Variants in CDH12 observed in about 807,000 individuals in gnomAD.
CDH12 encodes cadherin-12.
CDH12 carries 41 observed loss-of-function variants against 74.1 expected under a neutral mutation model. That is an observed-to-expected ratio of 0.55 (90% CI 0.43 to 0.72). The LOEUF (loss-of-function observed/expected upper bound fraction) is 0.72, where lower values mean the gene tolerates loss of function less well. CDH12 is among the 30% of genes least tolerant of loss of function. The pLI, the probability that CDH12 is intolerant of heterozygous loss-of-function variation, is 0.00. For synonymous variants in CDH12, 399 were observed against 355.0 expected (o/e 1.12, Z -1.39); for missense variants, 945 against 977.2 (o/e 0.97, Z 0.44).
At chr5:22,011,885 A>G (rs959560498) in intron 5 of CDH12, among the ~76,000 whole-genome samples, 5 of 152,102 alleles carry the variant, frequency 3.3e-5, no homozygotes, top group African/African-American at 1.2e-4. Flanking sequence ...ACATTTATTT[A>G]CCAAATGAAG....
chr5:22,156,913 T>C (rs1748053093), intron 4 of CDH12, among the ~76,000 whole-genome samples: 1 of 152,184 alleles, frequency 6.6e-6, no homozygotes, highest in Non-Finnish European at 1.5e-5. Context: ...CCCTACTGAA[T>C]GTTTCCCTCT....
At chr5:22,117,117 T>C (rs1745164001) in intron 4 of CDH12, among the ~76,000 whole-genome samples, 1 of 151,668 alleles carries the variant, frequency 6.6e-6, no homozygotes, top group African/African-American at 2.4e-5. Flanking sequence ...TAGGTAGCTT[T>C]TCTGGGTCAC....
At chr5:22,059,738 C>A (rs1741054105) in intron 5 of CDH12, among the ~76,000 whole-genome samples, 1 of 151,990 alleles carries the variant, frequency 6.6e-6, no homozygotes, top group African/African-American at 2.4e-5. Context: ...TTTCAAAATT[C>A]AATAGCCCTG....
At chr5:21,996,706 TAAAA>T (rs1431161678) in intron 5 of CDH12, among the ~76,000 whole-genome samples, 1 of 152,164 alleles carries the variant, frequency 6.6e-6, no homozygotes, top group Non-Finnish European at 1.5e-5. Flanking sequence ...TTAAAACAGT[TAAAA>T]ATAAAACAAG....
At chr5:22,753,841 T>G (rs997531943) in intron 1 of CDH12, among the ~76,000 whole-genome samples, 6 of 152,164 alleles carry the variant, frequency 3.9e-5, no homozygotes, top group Middle Eastern at 3.4e-3. Context: ...TCTTAAAAAT[T>G]TTCCATAACA....
At chr5:22,522,512 T>C (rs1228084140) in intron 1 of CDH12, among the ~76,000 whole-genome samples, 2 of 152,126 alleles carry the variant, frequency 1.3e-5, no homozygotes, top group East Asian at 3.9e-4. Flanking sequence ...TTCTCTGTAT[T>C]TCATTGTTGT....
chr5:22,270,702 G>A (rs1311850349), intron 3 of CDH12, among the ~76,000 whole-genome samples: 3 of 151,010 alleles, frequency 2.0e-5, no homozygotes, highest in Non-Finnish European at 3.0e-5. Flanking sequence ...ACAGAGTTTT[G>A]CTCTTGTTGA....
At chr5:21,902,141 A>G (rs10941930) in intron 6 of CDH12, among the ~76,000 whole-genome samples, 146,965 of 152,030 alleles carry the variant, frequency 0.97, 71,204 homozygotes, top group Non-Finnish European at 1. Flanking sequence ...TGTAGGATCT[A>G]TCTTAGAGAT....
intron 2 of CDH12, among the ~76,000 whole-genome samples, chr5:22,491,301 T>C (rs1362967656): frequency 6.6e-6 from 1 of 152,196 alleles, no homozygotes; most frequent in African/African-American, 2.4e-5. Context: ...TCCAGTTGTA[T>C]TCATGTTGCT....
chr5:22,411,070 G>T (rs1226665336), intron 2 of CDH12, among the ~76,000 whole-genome samples: 1 of 151,922 alleles, frequency 6.6e-6, no homozygotes, highest in Admixed American at 6.6e-5. Context: ...ACCTCTGATT[G>T]TAAAGTATGT....
rs111344853 is a variant in CDH12, at chr5:22,376,356, T to A, written c.-333+28901A>T. Among the ~76,000 whole-genome samples the A allele has an allele frequency of 3.8e-3, 577 of 151,100 alleles. 6 individuals carry two copies. Among genetic ancestry groups the A allele is most frequent in the African/African-American group, 0.013 (536 of 40,818 alleles). On this transcript the variant is annotated intron_variant, in intron 3 of 14. Coordinates refer to ENST00000382254, the MANE Select transcript of CDH12 (RefSeq NM_004061.5). ...TGATTATTGGGTGCAAACATACACT[T>A]AAATACAAAAAAAAAGCCCAATATT...
At chr5:22,711,606 G>C (rs908799798) in intron 1 of CDH12, among the ~76,000 whole-genome samples, 1 of 152,046 alleles carries the variant, frequency 6.6e-6, no homozygotes, top group African/African-American at 2.4e-5. Flanking sequence ...ACTATGTTTA[G>C]AGTTAAGAAT....
intron 3 of CDH12, among the ~76,000 whole-genome samples, chr5:22,329,886 G>A (rs1264922902): frequency 1.3e-5 from 2 of 152,210 alleles, no homozygotes; most frequent in Non-Finnish European, 2.9e-5. Flanking sequence ...GTGGACTGAA[G>A]TGTTCTGGGC....
chr5:21,888,060 A>G (rs149658972), intron 6 of CDH12, among the ~76,000 whole-genome samples: 1,527 of 152,218 alleles, frequency 0.01, 25 homozygotes, highest in African/African-American at 0.035. Context: ...AGTCACACTA[A>G]GGAGGGTCTG....
intron 2 of CDH12, 30 bp downstream of exon 2, chr5:22,505,240 A>G: frequency 5.4e-6 from 4 of 738,482 alleles, no homozygotes; most frequent in Non-Finnish European, 6.6e-6. Context: ...AGGTAAAAGC[A>G]TATATCTTGA....
At chr5:22,814,509 C>T (rs540746699) in intron 1 of CDH12, among the ~76,000 whole-genome samples, 11 of 152,104 alleles carry the variant, frequency 7.2e-5, no homozygotes, top group South Asian at 4.2e-4. Context: ...ATAAATGCCA[C>T]GCACATGTCC....
chr5:22,595,305 G>A (rs1262946015), intron 1 of CDH12, among the ~76,000 whole-genome samples: 2 of 152,072 alleles, frequency 1.3e-5, no homozygotes, highest in Non-Finnish European at 2.9e-5. Context: ...GACCCATCCT[G>A]TGCATCTATT....
rs1580642775 is a variant in CDH12, at chr5:22,431,374, C to G, written c.-427-26023G>C. Among the ~76,000 whole-genome samples the G allele has an allele frequency of 2.0e-5, 3 of 152,154 alleles. No individual in the cohort carries two copies. In the South Asian group the frequency reaches 6.2e-4, roughly 31 times the overall value. ...TAACATTTCAGCACAAAGCACTACTCATGTATTTGTGGCGATGCTGGTGTA... is the reference window on the plus strand; with the variant it reads ...TAACATTTCAGCACAAAGCACTACTGATGTATTTGTGGCGATGCTGGTGTA... On this transcript the variant is annotated intron_variant, in intron 2 of 14. Transcript: ENST00000382254.
chr5:22,194,798 G>A (rs1412881448), intron 4 of CDH12, among the ~76,000 whole-genome samples: 3 of 152,166 alleles, frequency 2.0e-5, no homozygotes, highest in Admixed American at 6.5e-5. Flanking sequence ...TGGGGACCAC[G>A]GGCATAGGAC....
Sources: gnomAD v4.1 joint callset for allele counts (sites outside exome capture counted in the v4.1 genomes callset) on GRCh38, gnomAD v4.1.1 for gene constraint, MANE v1.5 for transcripts, NCBI Gene and HGNC (gene_info 2026-07-23, HGNC 2026-07-21) for gene names.